STIP1: variants seen among roughly 807,000 people sequenced by gnomAD.
The protein encoded by STIP1 is stress induced phosphoprotein 1, also known as stress-induced-phosphoprotein 1.
Under a neutral mutation model 77.4 loss-of-function variants are expected in STIP1, and 16 were observed. The ratio of observed to expected loss-of-function variants is 0.21; its 90% CI spans 0.14 to 0.31. STIP1 has a LOEUF of 0.31. Ranked by LOEUF, STIP1 falls within the 10% of genes least tolerant of loss-of-function variation. STIP1 has a pLI of 1.00. For synonymous variants in STIP1, 258 were observed against 246.6 expected (o/e 1.05, Z -0.44); for missense variants, 524 against 684.8 (o/e 0.77, Z 2.62).
In STIP1 at chr11:64,200,042, G is replaced by T; in HGVS notation, c.1120+6G>T. 1.2e-6 allele frequency: 2 copies of T among 1,614,212 alleles called. No individual in the cohort carries two copies. The highest frequency in any genetic ancestry group is 8.5e-7 in the Non-Finnish European group (1 of 1,180,046). On this transcript the variant is annotated splice_donor_region_variant and intron_variant, in intron 9 of 13. Coordinates refer to ENST00000305218, the MANE Select transcript of STIP1 (RefSeq NM_006819.3). ...CAACGAGTGTTTTCAGAAAGGTACTGCCTGCAGCTGGGGGATTGGGGGAGC... is the reference window on the plus strand; with the variant it reads ...CAACGAGTGTTTTCAGAAAGGTACTTCCTGCAGCTGGGGGATTGGGGGAGC...
At chr11:64,203,976 T>G in intron 13 of STIP1, 78 bp from the exon 14 acceptor site, 1 of 1,543,364 alleles carries the variant, frequency 6.5e-7, no homozygotes, top group Non-Finnish European at 8.9e-7. Flanking sequence ...GTAGAGGGGG[T>G]TGAATTGGGG....
At position 64,189,434 on chromosome 11, in the gene STIP1, G is replaced by A. The variant is rs201488650; in HGVS notation, c.9+3164G>A. 1.2e-3 allele frequency among the ~76,000 whole-genome samples: 187 copies of A among 152,296 alleles called. 1 individual carries two copies. The South Asian group carries it at 0.025, about 20-fold the overall frequency. ...CCCAGCTACGTGGGAGGCTGAGGCA[G>A]GACAATTGCTTGAACCTGGCTGGTC... is the stretch of plus-strand genomic sequence containing the variant. On this transcript the variant is annotated intron_variant, in intron 1 of 13. Coordinates refer to ENST00000305218, the MANE Select transcript of STIP1 (RefSeq NM_006819.3).
At chr11:64,187,337 G>A (rs768617804) in intron 1 of STIP1, among the ~76,000 whole-genome samples, 3 of 151,980 alleles carry the variant, frequency 2.0e-5, no homozygotes, top group Non-Finnish European at 4.4e-5. Flanking sequence ...CCGCTCGGGA[G>A]TACTACTGTC....
intron 10 of STIP1, 37 bp from the exon 11 acceptor site, chr11:64,202,839 G>A (rs1029809554): frequency 6.2e-7 from 1 of 1,613,852 alleles, no homozygotes; most frequent in Non-Finnish European, 8.5e-7. Context: ...CTTGTCCAAG[G>A]GAATGAGCCT....
rs1318262845 is a variant in STIP1, at chr11:64,194,596, G to A, written c.479G>A (p.Arg160Gln). ...PTYRELIEQL[R>Q]NKPSDLGTKL... ...TACCGGGAGCTGATAGAGCAGCTAC[G>A]AAACAAGCCTTCTGACCTGGGCACG... Residue 160 changes from arginine to glutamine, a missense_variant, in exon 4 of 14, where the codon CGA becomes CAA. Transcript: ENST00000305218. 3.7e-6 allele frequency: 6 copies of A among 1,614,048 alleles called. No individual in the cohort carries two copies. Among genetic ancestry groups the A allele is most frequent in the Admixed American group, 1.7e-5 (1 of 59,994 alleles).
At chr11:64,188,746 G>C (rs1946057818) in intron 1 of STIP1, among the ~76,000 whole-genome samples, 2 of 152,332 alleles carry the variant, frequency 1.3e-5, no homozygotes, top group South Asian at 4.1e-4. Context: ...GTAGGTAGAT[G>C]GTGAATGAAT....
At chr11:64,201,037 A>T (rs1216582902) in intron 10 of STIP1, among the ~76,000 whole-genome samples, 39 of 87,442 alleles carry the variant, frequency 4.5e-4, no homozygotes, top group East Asian at 9.9e-4. Flanking sequence ...CCCTTTTTTT[A>T]AAAAAAAAAA....
intron 12 of STIP1, 105 bp from the exon 13 acceptor site, chr11:64,203,345 C>A: frequency 6.3e-7 from 1 of 1,579,022 alleles, no homozygotes; most frequent in Non-Finnish European, 8.7e-7. Flanking sequence ...TTCTCTCTTA[C>A]TTGTTCTCTC....
chr11:64,203,163 A>G lies in STIP1; in HGVS notation c.1321A>G (p.Met441Val). Residue 441 changes from methionine (M) to valine (V), a missense_variant, in exon 12 of 14, where the codon ATG becomes GTG. Physicochemically the swap from Met to Val is conservative, Grantham distance 21. Coordinates refer to ENST00000305218, the MANE Select transcript of STIP1 (RefSeq NM_006819.3). ...ACGGAAAGCCGCTGCGCTGGAAGCG[A>G]TGAAGGACTACACCAAAGCCATGGA... Reference protein sequence around the residue: ...YTRKAAALEAMKDYTKAMDVY... With the variant: ...YTRKAAALEAVKDYTKAMDVY... The G allele has an allele frequency of 6.2e-7, 1 of 1,614,218 alleles. No homozygotes were observed. Among genetic ancestry groups the G allele is most frequent in the Non-Finnish European group, 8.5e-7 (1 of 1,180,036 alleles).
At chr11:64,191,200 A>G (rs1170057446) in intron 1 of STIP1, among the ~76,000 whole-genome samples, 1 of 151,756 alleles carries the variant, frequency 6.6e-6, no homozygotes, top group Non-Finnish European at 1.5e-5. Context: ...AAAAAAAAAA[A>G]AAAAAGGGCT....
upstream of STIP1, chr11:64,186,167 C>G (rs1468176097): frequency 1.5e-5 from 23 of 1,549,944 alleles, no homozygotes; most frequent in Non-Finnish European, 1.9e-5. Context: ...GCCGGGGTCC[C>G]GGTAGCTTCT....
At chr11:64,191,805 A>G (rs2134787587) in intron 1 of STIP1, among the ~76,000 whole-genome samples, 1 of 151,636 alleles carries the variant, frequency 6.6e-6, no homozygotes. Context: ...TGGAAAATGC[A>G]AACTTGGGGA....
chr11:64,186,354 GCCGGATCCAGGAGACCGGAGCTCGGCGCT>G, intron 1 of STIP1, 84 bp downstream of exon 1: 1 of 1,217,702 alleles, frequency 8.2e-7, no homozygotes, highest in Non-Finnish European at 1.1e-6. Flanking sequence ...CGGGGCGGGC[GCCGGATCCAGGAGACCGGAGCTCGGCGCT>G]GGGGCCGGAC....
chr11:64,186,304 C>A, intron 1 of STIP1, 34 bp downstream of exon 1: 1 of 1,119,462 alleles, frequency 8.9e-7, no homozygotes, highest in Non-Finnish European at 1.2e-6. Flanking sequence ...GGCCCCGAGC[C>A]TGCTCGGGGA....
chr11:64,195,224 C>T (rs1211048526), intron 4 of STIP1, among the ~76,000 whole-genome samples: 2 of 152,120 alleles, frequency 1.3e-5, no homozygotes, highest in Non-Finnish European at 2.9e-5. Flanking sequence ...AGCGATTCTC[C>T]TGCCTCAGCC....
chr11:64,186,222 G>A lies in STIP1; in HGVS notation c.-40G>A, dbSNP rs1946013249. The A allele has an allele frequency of 6.4e-7, 1 of 1,550,730 alleles. No individual in the cohort carries two copies. Among genetic ancestry groups the A allele is most frequent in the Admixed American group, 2.0e-5 (1 of 50,992 alleles). ...CGCGTGCGGTTGGGAACGCGGAGCG[G>A]ACGGATTCGATTCAACGGGGTTCCG... is the stretch of plus-strand genomic sequence containing the variant. On this transcript the variant is annotated 5_prime_UTR_variant, in exon 1 of 14. Transcript: ENST00000305218.
intron 1 of STIP1, among the ~76,000 whole-genome samples, 153 bp from the exon 2 acceptor site, chr11:64,192,925 G>A (rs574942691): frequency 6.6e-6 from 1 of 152,250 alleles, no homozygotes; most frequent in East Asian, 1.9e-4. Context: ...GGGAAGGTGT[G>A]AGAAATTAAA....
chr11:64,198,622 T>C (rs942194918), intron 8 of STIP1, among the ~76,000 whole-genome samples: 11 of 152,260 alleles, frequency 7.2e-5, no homozygotes, highest in East Asian at 5.8e-4. Flanking sequence ...GCTGGAATTA[T>C]AGGCGTAAGC....
intron 13 of STIP1, 106 bp from the exon 14 acceptor site, chr11:64,203,948 T>A (rs1200469823): frequency 2.9e-6 from 4 of 1,378,696 alleles, no homozygotes; most frequent in Non-Finnish European, 4.1e-6. Flanking sequence ...CCAGGACCCC[T>A]CCCTGCCGGG....
Sources: gnomAD v4.1 joint callset for allele counts (sites outside exome capture counted in the v4.1 genomes callset) on GRCh38, gnomAD v4.1.1 for gene constraint, MANE v1.5 for transcripts, NCBI Gene and HGNC (gene_info 2026-07-23, HGNC 2026-07-21) for gene names.